The following SPI1 variants were observed in gnomAD, a reference collection of about 807,000 sequenced individuals.
SPI1 encodes Spi-1 proto-oncogene.
Under a neutral mutation model 30.7 loss-of-function variants are expected in SPI1, and 3 were observed. The ratio of observed to expected loss-of-function variants is 0.10; its 90% CI spans 0.04 to 0.25. SPI1 has a LOEUF of 0.25. Ranked by LOEUF, SPI1 falls within the 10% of genes least tolerant of loss-of-function variation. SPI1 has a pLI of 1.00. For missense variants in SPI1, 261 were observed against 371.5 expected (o/e 0.70, Z 2.45); for synonymous variants, 169 against 157.1 (o/e 1.08, Z -0.56).
At position 47,374,082 on chromosome 11, in the gene SPI1, G is replaced by T. The variant is rs78286707; in HGVS notation, c.142+1551C>A. ...CTGACAGCACTGTCTGTGGTGACCC[G>T]AGCCACCAGGGGGCGCCTGTCCCAG... On this transcript the variant is annotated intron_variant, in intron 2 of 4. Transcript: ENST00000378538. The surrounding 1 kb of genome is among the most constrained non-coding windows in gnomAD (Gnocchi z 4.5). Among the ~76,000 whole-genome samples the T allele has an allele frequency of 6.6e-6, 1 of 152,180 alleles. No individual in the cohort carries two copies. Among genetic ancestry groups the T allele is most frequent in the East Asian group, 1.9e-4 (1 of 5,192 alleles).
chr11:47,374,090 A>AG lies in SPI1; in HGVS notation c.142+1542dup, dbSNP rs1244381358. Among the ~76,000 whole-genome samples the AG allele has an allele frequency of 5.3e-5, 8 of 152,200 alleles. No individual in the cohort carries two copies. The highest frequency in any genetic ancestry group is 1.5e-5 in the Non-Finnish European group (1 of 68,048). On this transcript the variant is annotated intron_variant, in intron 2 of 4. Coordinates refer to ENST00000378538, the MANE Select transcript of SPI1 (RefSeq NM_003120.3). This position sits in a 1 kb window ranked among gnomAD's most constrained non-coding sequence, Gnocchi z 4.5. The stretch of plus-strand genomic sequence containing the variant: ...ACTGTCTGTGGTGACCCGAGCCACC[A>AG]GGGGGCGCCTGTCCCAGGGCCCAGC...
chr11:47,370,401 C>CA (rs1293162081), intron 2 of SPI1, among the ~76,000 whole-genome samples: 40 of 140,122 alleles, frequency 2.9e-4, no homozygotes, highest in African/African-American at 9.9e-4. Context: ...GACACCGTCT[C>CA]AAAAAAAAGA....
intron 4 of SPI1, among the ~76,000 whole-genome samples, chr11:47,356,925 TCA>T (rs142198257): frequency 0.27 from 39,439 of 147,838 alleles, 5,828 homozygotes; most frequent in Admixed American, 0.36. Flanking sequence ...CTCACACACC[TCA>T]CACCATTCAC....
chr11:47,356,236 A>G (rs1377431477), intron 4 of SPI1, among the ~76,000 whole-genome samples: 1 of 146,204 alleles, frequency 6.8e-6, no homozygotes, highest in Non-Finnish European at 1.5e-5. Context: ...CTCATTCACT[A>G]ACATGCCCCC....
intron 2 of SPI1, among the ~76,000 whole-genome samples, chr11:47,370,183 G>T (rs976776335): frequency 6.6e-6 from 1 of 151,330 alleles, no homozygotes; most frequent in Non-Finnish European, 1.5e-5. Context: ...CCAGTGGATC[G>T]CCTGAGGTCA....
chr11:47,364,414 C>T (rs957496148), intron 2 of SPI1, among the ~76,000 whole-genome samples: 36 of 152,122 alleles, frequency 2.4e-4, no homozygotes, highest in Non-Finnish European at 1.0e-4. Context: ...TTGCTCTGCT[C>T]TTTAGTGAGG....
intron 4 of SPI1, among the ~76,000 whole-genome samples, chr11:47,357,552 ACACT>A (rs1253125943): frequency 6.7e-6 from 1 of 148,704 alleles, no homozygotes; most frequent in Non-Finnish European, 1.5e-5. Context: ...ACCTGCTCTC[ACACT>A]CACACATCAC....
intron 2 of SPI1, among the ~76,000 whole-genome samples, chr11:47,372,896 A>G (rs2095937749): frequency 6.6e-6 from 1 of 152,202 alleles, no homozygotes; most frequent in Admixed American, 6.5e-5. Flanking sequence ...ACTTGCCCCA[A>G]GTTTTCACAG....
At chr11:47,360,076 A>G (rs2095918476) in intron 2 of SPI1, 36 bp from the exon 3 acceptor site, 1 of 1,416,318 alleles carries the variant, frequency 7.1e-7, no homozygotes, top group Admixed American at 2.3e-5. Flanking sequence ...GGGTGAGCTC[A>G]GGGTTGGGCA....
At chr11:47,378,243 T>A (rs2095944944) in intron 1 of SPI1, 66 bp downstream of exon 1, 1 of 1,548,640 alleles carries the variant, frequency 6.5e-7, no homozygotes, top group African/African-American at 1.4e-5. Context: ...GCTGGCGGGT[T>A]CGTGGGCAGG....
chr11:47,375,811 C>T lies in SPI1; in HGVS notation c.46-82G>A, dbSNP rs1175104354. On this transcript the variant is annotated intron_variant, in intron 1 of 4. Coordinates refer to ENST00000378538, the MANE Select transcript of SPI1 (RefSeq NM_003120.3). The surrounding 1 kb of genome is among the most constrained non-coding windows in gnomAD (Gnocchi z 4.2). ...TGCAGCACCCCCGCACGCTGGGTCC[C>T]CATCACCTTCCCTGGCTCAGTGGCT... 9.4e-7 allele frequency: 1 copy of T among 1,065,094 alleles called. No homozygotes were observed. Among genetic ancestry groups the T allele is most frequent in the Non-Finnish European group, 1.5e-6 (1 of 682,532 alleles). The allele number at this position is 1,065,094 out of a possible 1,614,324, so 66.0% of individuals were successfully genotyped here.
In SPI1 at chr11:47,358,732, C is replaced by T. The variant is rs532744644; in HGVS notation, c.493+112G>A. ...ACACACACTGGCAAACATGCACACACACACACACGCGACTCGGTGGCGTGG... is the reference window on the plus strand; with the variant it reads ...ACACACACTGGCAAACATGCACACATACACACACGCGACTCGGTGGCGTGG... On this transcript the variant is annotated intron_variant, in intron 4 of 4. Coordinates refer to ENST00000378538, the MANE Select transcript of SPI1 (RefSeq NM_003120.3). 57 of 1,082,700 alleles carry T rather than the reference C, an allele frequency of 5.3e-5. 1 individual carries two copies. The Admixed American group carries it at 8.3e-4, about 16-fold the overall frequency. The allele number at this position is 1,082,700 out of a possible 1,614,324, so 67.1% of individuals were successfully genotyped here.
In SPI1 at chr11:47,375,324, A is replaced by T. The variant is rs2095940827; in HGVS notation, c.142+309T>A. 6.6e-6 allele frequency among the ~76,000 whole-genome samples: 1 copy of T among 152,174 alleles called. No homozygotes were observed. Among genetic ancestry groups the T allele is most frequent in the African/African-American group, 2.4e-5 (1 of 41,446 alleles). On this transcript the variant is annotated intron_variant, in intron 2 of 4. Coordinates refer to ENST00000378538, the MANE Select transcript of SPI1 (RefSeq NM_003120.3). This position sits in a 1 kb window ranked among gnomAD's most constrained non-coding sequence, Gnocchi z 4.2. The stretch of plus-strand genomic sequence containing the variant: ...CTGGGTTCCACCCAGCAGCCGTGTG[A>T]CCTTGTGCAAGTCTCCTAGCACCCT...
intron 4 of SPI1, among the ~76,000 whole-genome samples, chr11:47,357,047 T>C (rs1013573318): frequency 6.7e-6 from 1 of 149,772 alleles, no homozygotes; most frequent in East Asian, 2.0e-4. Flanking sequence ...ACACTTATGC[T>C]TACAAACTCA....
At chr11:47,377,603 C>A (rs1466315828) in intron 1 of SPI1, among the ~76,000 whole-genome samples, 1 of 152,104 alleles carries the variant, frequency 6.6e-6, no homozygotes, top group Non-Finnish European at 1.5e-5. Flanking sequence ...CATGCTCACC[C>A]CAGGTCCCAC....
intron 4 of SPI1, among the ~76,000 whole-genome samples, chr11:47,356,692 C>T (rs1396171543): frequency 6.6e-6 from 1 of 151,910 alleles, no homozygotes; most frequent in African/African-American, 2.4e-5. Context: ...ATTGCTCACC[C>T]TTGCACACAC....
chr11:47,373,872 C>A (rs1183613825), intron 2 of SPI1, among the ~76,000 whole-genome samples: 5 of 152,288 alleles, frequency 3.3e-5, no homozygotes, highest in Non-Finnish European at 4.4e-5. Flanking sequence ...AAAACACATG[C>A]TTTCTCTAAA....
At chr11:47,373,851 C>G (rs2095939022) in intron 2 of SPI1, among the ~76,000 whole-genome samples, 1 of 152,096 alleles carries the variant, frequency 6.6e-6, no homozygotes, top group South Asian at 2.1e-4. Flanking sequence ...CTGCTTGGAC[C>G]CTGAGCCACG....
intron 4 of SPI1, 96 bp downstream of exon 4, chr11:47,358,748 G>C (rs758853731): frequency 8.1e-7 from 1 of 1,232,974 alleles, no homozygotes. Flanking sequence ...CACGCGACTC[G>C]GTGGCGTGGC....
Sources: gnomAD v4.1 joint callset for allele counts (sites outside exome capture counted in the v4.1 genomes callset) on GRCh38, gnomAD v4.1.1 for gene constraint, Gnocchi (gnomAD v3.1) non-coding constraint, MANE v1.5 for transcripts, NCBI Gene and HGNC (gene_info 2026-07-23, HGNC 2026-07-21) for gene names.